KIF6: variants seen among roughly 807,000 people sequenced by gnomAD.
The protein encoded by KIF6 is kinesin-like protein KIF6.
Under a neutral mutation model 112.7 loss-of-function variants are expected in KIF6, and 106 were observed. The observed-to-expected ratio is 0.94, with a 90% CI of 0.80 to 1.11. The LOEUF is 1.11. KIF6 is among the 50% of genes least tolerant of loss of function. The pLI is 0.00. For missense variants in KIF6, 929 were observed against 964.0 expected, an observed-to-expected ratio of 0.96 and a Z score of 0.48; for synonymous variants, 339 against 339.9, an observed-to-expected ratio of 1.00 and a Z score of 0.03.
At chr6:39,683,102 G>C (rs1342123254) in intron 3 of KIF6, among the ~76,000 whole-genome samples, 2 of 152,226 alleles carry the variant, frequency 1.3e-5, no homozygotes, top group Non-Finnish European at 2.9e-5. Flanking sequence ...CCAGATGGCA[G>C]GGTTTTACAA....
At chr6:39,346,141 C>G (rs1404226545) in intron 20 of KIF6, among the ~76,000 whole-genome samples, 11 of 132,332 alleles carry the variant, frequency 8.3e-5, no homozygotes, top group South Asian at 2.9e-4. Context: ...CCCTCTCTCT[C>G]TCTCTCTCTC....
chr6:39,696,578 T>C (rs1485774971), intron 3 of KIF6, among the ~76,000 whole-genome samples: 1 of 151,678 alleles, frequency 6.6e-6, no homozygotes, highest in Admixed American at 6.6e-5. Context: ...TTGTCTTAAG[T>C]TTTTCTTCAC....
At chr6:39,366,892 A>ATT (rs1269715326) in intron 16 of KIF6, among the ~76,000 whole-genome samples, 2,679 of 143,000 alleles carry the variant, frequency 0.019, 84 homozygotes, top group African/African-American at 0.064. Flanking sequence ...TAAGTTGAGC[A>ATT]TTTTTTTTTT....
At chr6:39,587,295 C>A (rs1781690601) in intron 7 of KIF6, among the ~76,000 whole-genome samples, 1 of 152,190 alleles carries the variant, frequency 6.6e-6, no homozygotes, top group Non-Finnish European at 1.5e-5. Context: ...AGCCCTAGCT[C>A]CTGAGAATAC....
rs1431425313 is a variant in KIF6 at position 39,584,292 on chromosome 6, C to T, written c.1077+606G>A. 3.3e-5 allele frequency among the ~76,000 whole-genome samples: 5 copies of T among 150,920 alleles called. No homozygotes were observed. In the East Asian group the frequency reaches 5.8e-4, roughly 18 times the overall value. On this transcript the variant is annotated intron_variant, in intron 9 of 22. Transcript: ENST00000287152. ...AAAAGAAATTAGCTGGTTGTGGCGG[C>T]GTGTGTCTGTGGTCCCAGCTACTTG...
intron 14 of KIF6, among the ~76,000 whole-genome samples, chr6:39,423,795 C>T (rs1289666007): frequency 6.6e-6 from 1 of 152,130 alleles, no homozygotes; most frequent in African/African-American, 2.4e-5. Context: ...CAGCCATTCT[C>T]TATCCTCAAT....
chr6:39,363,276 C>T (rs1414886715), intron 16 of KIF6, among the ~76,000 whole-genome samples: 2 of 152,206 alleles, frequency 1.3e-5, no homozygotes, highest in East Asian at 1.9e-4. Flanking sequence ...GCCTCAGAAT[C>T]GTGTCTCCTG....
chr6:39,484,530 G>A (rs1235402938), intron 13 of KIF6, among the ~76,000 whole-genome samples: 1 of 152,168 alleles, frequency 6.6e-6, no homozygotes, highest in Non-Finnish European at 1.5e-5. Flanking sequence ...GGCAAGAAAT[G>A]GCGGGAGATG....
intron 15 of KIF6, among the ~76,000 whole-genome samples, chr6:39,419,078 T>TGTG (rs1770145750): frequency 6.6e-6 from 1 of 152,070 alleles, no homozygotes; most frequent in African/African-American, 2.4e-5. Context: ...TGAGGCTGGG[T>TGTG]GTGGTGGCTC....
rs758419130 is a variant in KIF6, at chr6:39,725,241, G to A, written c.66+4C>T. ...GCCGGCGCCCCGGAGGCTCCAGCCC[G>A]TACCCCTTGTTGGTGCTTCCGGACA... On this transcript the variant is annotated splice_donor_region_variant and intron_variant, in intron 1 of 22. Coordinates refer to ENST00000287152, the MANE Select transcript of KIF6 (RefSeq NM_145027.6). The A allele has an allele frequency of 1.3e-5, 21 of 1,607,394 alleles. 1 individual carries two copies. In the South Asian group the frequency reaches 2.2e-4, roughly 17 times the overall value.
At chr6:39,461,597 T>C (rs899946853) in intron 13 of KIF6, among the ~76,000 whole-genome samples, 12 of 152,186 alleles carry the variant, frequency 7.9e-5, no homozygotes, top group African/African-American at 2.7e-4. Flanking sequence ...ATGTAATCAA[T>C]ATTCATAAAA....
At chr6:39,345,596 G>C in intron 21 of KIF6, 104 bp downstream of exon 21, 6 of 871,350 alleles carry the variant, frequency 6.9e-6, no homozygotes, top group Non-Finnish European at 1.1e-5. Flanking sequence ...TTCTGTCTGT[G>C]TGGCTACTGG....
intron 3 of KIF6, among the ~76,000 whole-genome samples, chr6:39,672,756 A>C (rs1336569567): frequency 6.6e-6 from 1 of 152,016 alleles, no homozygotes; most frequent in Non-Finnish European, 1.5e-5. Context: ...CTTCCTATAA[A>C]GTCTTGGTCT....
intron 13 of KIF6, among the ~76,000 whole-genome samples, chr6:39,454,672 G>A (rs1055587385): frequency 5.9e-5 from 9 of 152,186 alleles, no homozygotes; most frequent in African/African-American, 2.2e-4. Context: ...CACACCGTGC[G>A]CGAGCCGAAG....
At chr6:39,468,121 G>C (rs1014701426) in intron 13 of KIF6, among the ~76,000 whole-genome samples, 2 of 151,520 alleles carry the variant, frequency 1.3e-5, no homozygotes, top group African/African-American at 4.9e-5. Flanking sequence ...ACTGACAGAA[G>C]AATTAGTGAA....
intron 16 of KIF6, 92 bp from the exon 17 acceptor site, chr6:39,362,610 C>G: frequency 2.1e-6 from 2 of 972,230 alleles, no homozygotes; most frequent in South Asian, 2.6e-5. Flanking sequence ...AAGGGCACCC[C>G]AAGAAGAAAG....
chr6:39,649,343 A>G (rs1785339100), intron 3 of KIF6, among the ~76,000 whole-genome samples: 1 of 152,184 alleles, frequency 6.6e-6, no homozygotes, highest in African/African-American at 2.4e-5. Flanking sequence ...TTTGGAAAGG[A>G]ATATCCAAGG....
intron 21 of KIF6, among the ~76,000 whole-genome samples, chr6:39,345,249 G>A (rs1484631283): frequency 1.3e-5 from 2 of 152,250 alleles, no homozygotes; most frequent in Non-Finnish European, 2.9e-5. Flanking sequence ...AGGCAGGCAG[G>A]GCAGAGGCTG....
chr6:39,380,780 C>T (rs552821350), intron 16 of KIF6, among the ~76,000 whole-genome samples: 1 of 152,324 alleles, frequency 6.6e-6, no homozygotes, highest in Admixed American at 6.5e-5. Context: ...CCTCGTCACA[C>T]AGTGTTCCCA....
Sources: allele counts gnomAD v4.1 joint callset (sites outside exome capture counted in the v4.1 genomes callset), GRCh38; gene constraint gnomAD v4.1.1; transcripts MANE v1.5; gene names NCBI Gene and HGNC (gene_info 2026-07-23, HGNC 2026-07-21).